LRRC39: variants seen among roughly 807,000 people sequenced by gnomAD.
LRRC39 encodes leucine-rich repeat-containing protein 39.
Under a neutral mutation model 39.7 loss-of-function variants are expected in LRRC39, and 35 were observed. The ratio of observed to expected loss-of-function variants is 0.88; its 90% CI spans 0.67 to 1.17. The LOEUF is 1.17. Ranked by LOEUF, LRRC39 falls within the 50% of genes most tolerant of loss-of-function variation. The probability of loss-of-function intolerance (pLI) is 0.00; values close to 1 mark genes in which losing one functional copy is unlikely to be tolerated. For synonymous variants in LRRC39, 113 were observed against 134.1 expected, an observed-to-expected ratio of 0.84 and a Z score of 1.09; for missense variants, 357 against 385.8, an observed-to-expected ratio of 0.93 and a Z score of 0.62.
At position 100,159,389 on chromosome 1, in the gene LRRC39, C is replaced by T. The variant is rs202071519; in HGVS notation, c.246G>A (p.Leu82=). Reference sequence around the variant, plus strand: ...GAAGTTGCCATTCCTGTAGTTGATTCAGTTTCAGCAGAGAAGAAGGGAGGG... The same window carrying T: ...GAAGTTGCCATTCCTGTAGTTGATTTAGTTTCAGCAGAGAAGAAGGGAGGG... The part of the protein sequence containing the change: ...WKTLPSSLLK[L]NQLQEWQLHR... The change falls in exon 5 of 10, where the codon CTG becomes CTA. Residue 82 remains leucine, a synonymous_variant. Transcript: ENST00000370137. 5.4e-5 allele frequency: 87 copies of T among 1,608,584 alleles called. 1 individual carries two copies. The East Asian group carries it at 7.9e-4, about 15-fold the overall frequency.
rs376780533 is a variant in LRRC39, at chr1:100,163,246, T to A, written c.114-2675A>T. On this transcript the variant is annotated intron_variant, in intron 3 of 9. Transcript: ENST00000370137. ...AAATGAAATTCAGAGCAAGATTTAGTAACAAGTAAATTAGGAATCTTATCC... is the reference window on the plus strand; with the variant it reads ...AAATGAAATTCAGAGCAAGATTTAGAAACAAGTAAATTAGGAATCTTATCC... 3.9e-5 allele frequency among the ~76,000 whole-genome samples: 6 copies of A among 152,354 alleles called. No individual in the cohort carries two copies. In the East Asian group the frequency reaches 9.6e-4, roughly 24 times the overall value.
intron 1 of LRRC39, among the ~76,000 whole-genome samples, chr1:100,177,507 A>C (rs182119359): frequency 4.6e-5 from 7 of 152,362 alleles, no homozygotes; most frequent in Admixed American, 4.6e-4. Context: ...ACAGAATGCG[A>C]GATCTCTTTG....
Position 100,168,544 on chromosome 1 carries a change from A to G in LRRC39, c.-28T>C, listed in dbSNP as rs779038569. ...TTTCTCCACATTGTCATAGTCACCA[A>G]CTTCATTAGGTTTTGAATAGCTGAA... On this transcript the variant is annotated 5_prime_UTR_variant, in exon 3 of 10. Transcript: ENST00000370137. The G allele has an allele frequency of 6.5e-7, 1 of 1,546,432 alleles. No individual in the cohort carries two copies. The highest frequency in any genetic ancestry group is 1.8e-5 in the Admixed American group (1 of 56,450).
intron 8 of LRRC39, 47 bp from the exon 9 acceptor site, chr1:100,152,571 G>T (rs757661626): frequency 1.9e-6 from 3 of 1,579,850 alleles, no homozygotes; most frequent in Non-Finnish European, 2.6e-6. Context: ...TCATGGAAGT[G>T]TACATTTATT....
chr1:100,155,692 G>C (rs1425548805), intron 7 of LRRC39, among the ~76,000 whole-genome samples: 8 of 152,188 alleles, frequency 5.3e-5, no homozygotes, highest in African/African-American at 1.9e-4. Flanking sequence ...TTATAGCAAA[G>C]CAGTATGCAT....
intron 9 of LRRC39, 61 bp from the exon 10 acceptor site, chr1:100,149,158 A>G: frequency 2.6e-6 from 4 of 1,557,424 alleles, no homozygotes; most frequent in Non-Finnish European, 3.5e-6. Flanking sequence ...TTAATTTTGG[A>G]AATTTATCTT....
At chr1:100,177,199 A>AT (rs1222180793) in intron 1 of LRRC39, among the ~76,000 whole-genome samples, 1 of 152,210 alleles carries the variant, frequency 6.6e-6, no homozygotes, top group Non-Finnish European at 1.5e-5. Flanking sequence ...AAAGAGAGAA[A>AT]TATGGAGATA....
rs1322730698 is a variant in LRRC39, at chr1:100,156,336, T to G, written c.514-19A>C. 1 of 1,581,298 alleles carries G rather than the reference T, an allele frequency of 6.3e-7. No homozygotes were observed. The highest frequency in any genetic ancestry group is 2.3e-5 in the East Asian group (1 of 44,266). The stretch of plus-strand genomic sequence containing the variant: ...TGCTGAGCTGAAGAAGAAAGCAAGG[T>G]TTTTCAAAATAAATGTCCACAATGT... On this transcript the variant is annotated intron_variant, in intron 6 of 9. Transcript: ENST00000370137.
At chr1:100,158,637 C>G (rs945958098) in intron 5 of LRRC39, among the ~76,000 whole-genome samples, 3 of 151,776 alleles carry the variant, frequency 2.0e-5, no homozygotes, top group African/African-American at 7.3e-5. Flanking sequence ...GGGGTTTCAC[C>G]GTGTTAGCCA....
intron 6 of LRRC39, 134 bp downstream of exon 6, chr1:100,158,097 A>G: frequency 1.0e-6 from 1 of 958,738 alleles, no homozygotes; most frequent in South Asian, 1.7e-5. Context: ...ACTTAAGGAA[A>G]TGGTTTTCTC....
At chr1:100,152,696 AAG>A (rs763326259) in intron 8 of LRRC39, among the ~76,000 whole-genome samples, 172 bp from the exon 9 acceptor site, 2 of 152,166 alleles carry the variant, frequency 1.3e-5, no homozygotes, top group East Asian at 1.9e-4. Flanking sequence ...TTTTTTTCCT[AAG>A]AGAAAAAAAA....
At position 100,154,836 on chromosome 1, in the gene LRRC39, A is replaced by G. The variant is rs565170922; in HGVS notation, c.812+215T>C. Among the ~76,000 whole-genome samples the G allele has an allele frequency of 3.3e-5, 5 of 152,354 alleles. No individual in the cohort carries two copies. The South Asian group carries it at 1.0e-3, about 32-fold the overall frequency. ...CATTTCTTAAAGCTGATAAATCCCA[A>G]ACTGCTTTAGTTTTAAGGATTCTTT... On this transcript the variant is annotated intron_variant, in intron 8 of 9. Transcript: ENST00000370137.
intron 6 of LRRC39, 41 bp from the exon 7 acceptor site, chr1:100,156,358 A>G (rs1208789311): frequency 2.6e-6 from 4 of 1,562,938 alleles, no homozygotes; most frequent in African/African-American, 2.7e-5. Flanking sequence ...AATGTCCACA[A>G]TGTAAACTAC....
rs1025249274 is a variant in LRRC39 at position 100,168,397 on chromosome 1, A to G, written c.113+7T>C. ...TAATTCAAAATAATAAATATGTTTT[A>G]GCATACTTGTGTTGAAATTCCTTCT... On this transcript the variant is annotated splice_region_variant and intron_variant, in intron 3 of 9. Coordinates refer to ENST00000370137, the MANE Select transcript of LRRC39 (RefSeq NM_144620.4). 4 of 1,576,516 alleles carry G rather than the reference A, an allele frequency of 2.5e-6. No homozygotes were observed. In the African/African-American group the frequency reaches 4.1e-5, roughly 16 times the overall value.
chr1:100,156,124 A>G (rs1658424281), intron 7 of LRRC39, 48 bp downstream of exon 7: 1 of 1,557,992 alleles, frequency 6.4e-7, no homozygotes, highest in Non-Finnish European at 8.7e-7. Flanking sequence ...ATTTTTCATA[A>G]GAGGTTTCAA....
chr1:100,150,303 T>C (rs559847788), intron 9 of LRRC39: 1 of 152,356 alleles, frequency 6.6e-6, no homozygotes, highest in Non-Finnish European at 1.5e-5. Context: ...TCCCTTGTTA[T>C]AAGTTTTATG....
intron 1 of LRRC39, among the ~76,000 whole-genome samples, chr1:100,173,937 C>A (rs1177955935): frequency 6.6e-6 from 1 of 151,952 alleles, no homozygotes; most frequent in East Asian, 1.9e-4. Flanking sequence ...TTAAAGAAGG[C>A]CTAAATAAAT....
chr1:100,177,799 T>G (rs1346261430), intron 1 of LRRC39, among the ~76,000 whole-genome samples: 1 of 152,166 alleles, frequency 6.6e-6, no homozygotes, highest in Non-Finnish European at 1.5e-5. Context: ...GAAACACAAG[T>G]CAATAATGAT....
rs1657574581 is a variant in LRRC39 at position 100,148,469 on chromosome 1, TGTG to T, written c.*570_*572del. Reference sequence around the variant, plus strand: ...AAGCTAAAATATACACATCTTTTATTGTGGTCATAAATATAATGTGTCTTGGAA... The same window carrying T: ...AAGCTAAAATATACACATCTTTTATTGTCATAAATATAATGTGTCTTGGAA... On this transcript the variant is annotated 3_prime_UTR_variant, in exon 10 of 10. Transcript: ENST00000370137. 9.2e-7 allele frequency: 1 copy of T among 1,083,084 alleles called. No homozygotes were observed. The highest frequency in any genetic ancestry group is 1.3e-6 in the Non-Finnish European group (1 of 756,262). The allele number at this position is 1,083,084 out of a possible 1,614,324, so 67.1% of individuals were successfully genotyped here.
Sources: allele counts gnomAD v4.1 joint callset (sites outside exome capture counted in the v4.1 genomes callset), GRCh38; gene constraint gnomAD v4.1.1; transcripts MANE v1.5; gene names NCBI Gene and HGNC (gene_info 2026-07-23, HGNC 2026-07-21).